SNAPC3: variants seen among roughly 807,000 people sequenced by gnomAD.
SNAPC3 encodes snRNA-activating protein complex subunit 3.
Under a neutral mutation model 47.7 loss-of-function variants are expected in SNAPC3, and 56 were observed. The observed-to-expected ratio is 1.18, with a 90% CI of 0.95 to 1.47. SNAPC3 has a LOEUF of 1.47. Ranked by LOEUF, SNAPC3 falls within the 40% of genes most tolerant of loss-of-function variation. SNAPC3 has a pLI of 0.00. For missense variants in SNAPC3, 665 were observed against 511.3 expected (o/e 1.30, Z -2.90); for synonymous variants, 235 against 189.9 (o/e 1.24, Z -1.95).
Position 15,422,900 on chromosome 9 carries a change from T to TGGCC in SNAPC3, c.22_25dup (p.Pro9ArgfsTer5), listed in dbSNP as rs753177114. 4.6e-6 allele frequency: 7 copies of TGGCC among 1,533,704 alleles called. No homozygotes were observed. In the African/African-American group the frequency reaches 9.8e-5, roughly 22 times the overall value. On this transcript the variant is annotated frameshift_variant, in exon 1 of 9. Transcript: ENST00000380821. LOFTEE classifies it high-confidence loss of function. ...CGAACATGGCTGAAGGAAGCCGAGG[T>TGGCC]GGCCCTACGTGTAGCGGGGTGGGTG... is the stretch of plus-strand genomic sequence containing the variant.
chr9:15,462,259 CTTAAGG>C (rs1459059103), downstream of SNAPC3: 2 of 152,102 alleles, frequency 1.3e-5, no homozygotes, highest in African/African-American at 2.4e-5. Flanking sequence ...TTTGCTAGTT[CTTAAGG>C]TTAAGTTTTT....
intron 4 of SNAPC3, among the ~76,000 whole-genome samples, chr9:15,445,985 A>C (rs2033899255): frequency 1.3e-5 from 2 of 152,174 alleles, no homozygotes. Context: ...CCAATCATAA[A>C]AAGAAACCAA....
chr9:15,435,844 CTTTTTTTT>C (rs57744583), intron 3 of SNAPC3, among the ~76,000 whole-genome samples: 3 of 123,842 alleles, frequency 2.4e-5, no homozygotes, highest in East Asian at 2.3e-4. Flanking sequence ...ACTTTTCTTT[CTTTTTTTT>C]TTTTTTTTGA....
chr9:15,432,698 A>G (rs2032319461), intron 2 of SNAPC3, among the ~76,000 whole-genome samples: 1 of 152,230 alleles, frequency 6.6e-6, no homozygotes, highest in African/African-American at 2.4e-5. Flanking sequence ...AAATAAACAG[A>G]TGGGAGGAAA....
At chr9:15,429,541 A>G (rs10738395) in intron 2 of SNAPC3, among the ~76,000 whole-genome samples, 112,905 of 146,714 alleles carry the variant, frequency 0.77, 44,349 homozygotes, top group Non-Finnish European at 0.87. Context: ...CTGCAGAGGA[A>G]AAAAAACCTG....
intron 8 of SNAPC3, among the ~76,000 whole-genome samples, chr9:15,458,494 A>T: frequency 6.6e-6 from 1 of 152,230 alleles, no homozygotes; most frequent in East Asian, 1.9e-4. Flanking sequence ...CTCGAGAGCC[A>T]TGTTCTTTCT....
At chr9:15,451,506 G>A in intron 6 of SNAPC3, 104 bp downstream of exon 6, 2 of 488,104 alleles carry the variant, frequency 4.1e-6, no homozygotes, top group Non-Finnish European at 7.3e-6. Flanking sequence ...CCTTTGCCAA[G>A]GAATTATTGA....
At chr9:15,434,409 CTTT>C (rs575328490) in intron 3 of SNAPC3, among the ~76,000 whole-genome samples, 4 of 135,446 alleles carry the variant, frequency 3.0e-5, no homozygotes, top group Non-Finnish European at 3.2e-5. Flanking sequence ...TTCTGTATGG[CTTT>C]TTTTTTTTTT....
Position 15,438,965 on chromosome 9 carries a change from ACTGT to A in SNAPC3, c.477+5332_477+5335del, listed in dbSNP as rs767528935. On this transcript the variant is annotated intron_variant, in intron 3 of 8. Transcript: ENST00000380821. The stretch of plus-strand genomic sequence containing the variant: ...TAAAGTCTCCAACTATTACCATAGA[ACTGT>A]CTATTTCTTCAATTCTGTTGGCTTT... Among the ~76,000 whole-genome samples, 6 of 152,198 alleles carry A rather than the reference ACTGT, an allele frequency of 3.9e-5. No individual in the cohort carries two copies. The East Asian group carries it at 9.6e-4, about 24-fold the overall frequency.
At chr9:15,435,840 C>CTTTTTTTT (rs1463718700) in intron 3 of SNAPC3, among the ~76,000 whole-genome samples, 1 of 49,690 alleles carries the variant, frequency 2.0e-5, no homozygotes, top group African/African-American at 9.0e-5. Flanking sequence ...ACTTACTTTT[C>CTTTTTTTT]TTTCTTTTTT....
intron 3 of SNAPC3, among the ~76,000 whole-genome samples, chr9:15,441,300 T>C (rs1233162601): frequency 6.6e-6 from 1 of 151,684 alleles, no homozygotes; most frequent in Non-Finnish European, 1.5e-5. Flanking sequence ...CTACTTTTAA[T>C]TTTTTGAGAG....
intron 3 of SNAPC3, among the ~76,000 whole-genome samples, chr9:15,440,027 G>A (rs2033183297): frequency 6.6e-6 from 1 of 152,164 alleles, no homozygotes; most frequent in Non-Finnish European, 1.5e-5. Flanking sequence ...GAACATTTGT[G>A]TCAGTTTTGT....
intron 4 of SNAPC3, among the ~76,000 whole-genome samples, chr9:15,446,094 A>G (rs770172339): frequency 6.6e-6 from 1 of 152,224 alleles, no homozygotes; most frequent in Non-Finnish European, 1.5e-5. Flanking sequence ...GTCTTGCTAA[A>G]TGAAGTTACA....
chr9:15,452,953 A>T, intron 6 of SNAPC3, 88 bp from the exon 7 acceptor site: 1 of 1,081,704 alleles, frequency 9.2e-7, no homozygotes, highest in Non-Finnish European at 1.3e-6. Flanking sequence ...GAGCTAGGTT[A>T]ATGTGAATTA....
At chr9:15,456,694 C>G (rs540337222) in intron 7 of SNAPC3, among the ~76,000 whole-genome samples, 38 of 152,184 alleles carry the variant, frequency 2.5e-4, no homozygotes, top group Middle Eastern at 6.8e-3. Flanking sequence ...TCTTGAACTC[C>G]TGAGCTCAAG....
At position 15,423,862 on chromosome 9, in the gene SNAPC3, C is replaced by G. The variant is rs372426774; in HGVS notation, c.315-47C>G. 1.4e-3 allele frequency: 1,588 copies of G among 1,096,952 alleles called. 18 individuals are homozygous for G. The highest frequency in any genetic ancestry group is 0.013 in the South Asian group (793 of 63,038). The allele number at this position is 1,096,952 out of a possible 1,614,324, so 68.0% of individuals were successfully genotyped here. ...AAAACAACCCTAACTCGCTGTGAAC[C>G]AGATGCAGAGTCGACCTTAAAGTAT... On this transcript the variant is annotated intron_variant, in intron 1 of 8. Coordinates refer to ENST00000380821, the MANE Select transcript of SNAPC3 (RefSeq NM_001039697.2).
chr9:15,460,996 C>G lies in SNAPC3; in HGVS notation c.*1130C>G, dbSNP rs2035168012. 6.6e-6 allele frequency: 1 copy of G among 152,006 alleles called. No homozygotes were observed. The highest frequency in any genetic ancestry group is 2.4e-5 in the African/African-American group (1 of 41,382). 9.4% of individuals were successfully genotyped at this position (152,006 alleles called of 1,614,324 possible). Reference sequence around the variant, plus strand: ...CCTATTGATTGCTAGCTCTGGCTCACTTATTCTCCGGTAATGATACTATTG... The same window carrying G: ...CCTATTGATTGCTAGCTCTGGCTCAGTTATTCTCCGGTAATGATACTATTG... On this transcript the variant is annotated 3_prime_UTR_variant, in exon 9 of 9. Transcript: ENST00000380821.
At chr9:15,447,666 A>G (rs779752830) in intron 5 of SNAPC3, among the ~76,000 whole-genome samples, 2 of 152,138 alleles carry the variant, frequency 1.3e-5, no homozygotes, top group Non-Finnish European at 1.5e-5. Context: ...ACCTCACTGT[A>G]GCATATGACT....
chr9:15,446,524 T>G (rs1415880112), intron 4 of SNAPC3, among the ~76,000 whole-genome samples: 1 of 152,170 alleles, frequency 6.6e-6, no homozygotes, highest in East Asian at 1.9e-4. Flanking sequence ...GCTATTCTAA[T>G]TTATGGAGAT....
Sources: allele counts gnomAD v4.1 joint callset (sites outside exome capture counted in the v4.1 genomes callset), GRCh38; gene constraint gnomAD v4.1.1; transcripts MANE v1.5; gene names NCBI Gene and HGNC (gene_info 2026-07-23, HGNC 2026-07-21).